The following EML6 variants were observed in gnomAD, a reference collection of about 807,000 sequenced individuals.
EML6 encodes echinoderm microtubule-associated protein-like 6.
Under a neutral mutation model 240.1 loss-of-function variants are expected in EML6, and 154 were observed. The observed-to-expected ratio is 0.64, with a 90% CI of 0.56 to 0.73. EML6 has a LOEUF of 0.73. EML6 is among the 30% of genes least tolerant of loss of function. The pLI is 0.00. For missense variants in EML6, 2,964 were observed against 2,474.6 expected (o/e 1.20, Z -4.20); for synonymous variants, 1,148 against 899.0 (o/e 1.28, Z -4.95).
At chr2:54,949,860 C>T (rs939966861) in intron 29 of EML6, among the ~76,000 whole-genome samples, 10 of 152,222 alleles carry the variant, frequency 6.6e-5, no homozygotes, top group African/African-American at 1.9e-4. Context: ...TGTTGTCATT[C>T]CTTCTGCTTA....
chr2:54,950,625 C>T lies in EML6; in HGVS notation c.4084-25C>T, dbSNP rs1362567902. ...TCTCCCTTCCTTCCTCTGAGGGTCACATTGATCTGTGTGTGTGAATGCAGG... is the reference window on the plus strand; with the variant it reads ...TCTCCCTTCCTTCCTCTGAGGGTCATATTGATCTGTGTGTGTGAATGCAGG... On this transcript the variant is annotated intron_variant, in intron 29 of 41. Coordinates refer to ENST00000356458, the MANE Select transcript of EML6 (RefSeq NM_001039753.4). 8 of 1,550,878 alleles carry T rather than the reference C, an allele frequency of 5.2e-6. No individual in the cohort carries two copies. The Admixed American group carries it at 7.9e-5, about 15-fold the overall frequency.
At chr2:54,916,685 A>G (rs1558682980) in intron 25 of EML6, 74 bp from the exon 26 acceptor site, 16 of 1,193,646 alleles carry the variant, frequency 1.3e-5, no homozygotes, top group Non-Finnish European at 1.7e-5. Context: ...AGAATTACTC[A>G]GGTGCAAACT....
chr2:54,873,456 G>C (rs566660360), intron 16 of EML6, among the ~76,000 whole-genome samples: 2 of 152,200 alleles, frequency 1.3e-5, no homozygotes, highest in Non-Finnish European at 2.9e-5. Context: ...TGAATACAAA[G>C]TCCAAACTCC....
intron 2 of EML6, among the ~76,000 whole-genome samples, chr2:54,726,213 G>C (rs1572825320): frequency 6.6e-6 from 1 of 152,300 alleles, no homozygotes; most frequent in East Asian, 1.9e-4. Flanking sequence ...TGCTGAGGAT[G>C]GACTACAACT....
chr2:54,729,155 G>C (rs952308202), intron 2 of EML6, among the ~76,000 whole-genome samples: 1 of 152,158 alleles, frequency 6.6e-6, no homozygotes, highest in African/African-American at 2.4e-5. Flanking sequence ...GTTTGTTGTG[G>C]GGATTACATA....
intron 2 of EML6, among the ~76,000 whole-genome samples, chr2:54,773,750 T>TTTA (rs1464359025): frequency 1.3e-5 from 2 of 152,252 alleles, no homozygotes; most frequent in Admixed American, 6.5e-5. Context: ...GTTTGCACAC[T>TTTA]TTATTTGAAC....
intron 17 of EML6, among the ~76,000 whole-genome samples, chr2:54,889,965 T>C (rs1418477536): frequency 2.6e-5 from 4 of 152,224 alleles, no homozygotes; most frequent in Non-Finnish European, 5.9e-5. Context: ...AGCCTATATG[T>C]AGTTAGCTTG....
chr2:54,895,342 C>G lies in EML6; in HGVS notation c.2924C>G (p.Thr975Arg). 3 of 1,551,736 alleles carry G rather than the reference C, an allele frequency of 1.9e-6. No individual in the cohort carries two copies. Among genetic ancestry groups the G allele is most frequent in the East Asian group, 2.4e-5 (1 of 40,916 alleles). Reference protein sequence around the residue: ...TLGHGHILVGTKNGEILEIDK... With the variant: ...TLGHGHILVGRKNGEILEIDK... ...GGACATGGACATATCCTGGTGGGAACAAAAAATGGAGAGATTCTGGAAATT... is the reference window on the plus strand; with the variant it reads ...GGACATGGACATATCCTGGTGGGAAGAAAAAATGGAGAGATTCTGGAAATT... The change falls in exon 21 of 42, where the codon ACA becomes AGA. Residue 975 changes from threonine (T) to arginine (R), a missense_variant. Coordinates refer to ENST00000356458, the MANE Select transcript of EML6 (RefSeq NM_001039753.4).
intron 11 of EML6, among the ~76,000 whole-genome samples, chr2:54,859,197 C>T (rs1230536107): frequency 6.6e-6 from 1 of 152,140 alleles, no homozygotes; most frequent in Non-Finnish European, 1.5e-5. Flanking sequence ...ACAGGATTGC[C>T]TGTCTTATCT....
intron 2 of EML6, among the ~76,000 whole-genome samples, chr2:54,758,248 A>T (rs73934833): frequency 0.044 from 6,640 of 152,074 alleles, 479 homozygotes; most frequent in African/African-American, 0.15. Context: ...AAGGGATGCT[A>T]ATTGTCTTGC....
At chr2:54,938,486 T>C (rs1419426155) in intron 28 of EML6, among the ~76,000 whole-genome samples, 1 of 152,168 alleles carries the variant, frequency 6.6e-6, no homozygotes, top group Non-Finnish European at 1.5e-5. Context: ...CACAAGAGGC[T>C]TCCTTTATTT....
At chr2:54,952,801 T>C (rs755070826) in intron 31 of EML6, 109 bp downstream of exon 31, 8 of 696,774 alleles carry the variant, frequency 1.1e-5, no homozygotes, top group Non-Finnish European at 2.0e-5. Flanking sequence ...TCCCTTCTTG[T>C]TGATGTTGCT....
chr2:54,890,389 G>C (rs1197442966), intron 17 of EML6, among the ~76,000 whole-genome samples: 1 of 151,998 alleles, frequency 6.6e-6, no homozygotes, highest in Non-Finnish European at 1.5e-5. Flanking sequence ...CCATCAAATA[G>C]TCCCTCTCAT....
intron 4 of EML6, among the ~76,000 whole-genome samples, chr2:54,820,153 A>T (rs1006391904): frequency 1.3e-5 from 2 of 152,166 alleles, no homozygotes; most frequent in African/African-American, 4.8e-5. Flanking sequence ...ATATGACACC[A>T]GTTTGTTCTA....
Position 54,853,737 on chromosome 2 carries a change from C to A in EML6, c.1539C>A (p.Pro513=). ...VKGPEVSGIW[P]KYTEVTDINS... is the part of the protein sequence containing the mutation. ...GCCCTGAAGTGAGTGGAATTTGGCC[C>A]AAATACACTGAGGTTACTGACATCA... The change falls in exon 11 of 42, where the codon CCC becomes CCA. Residue 513 remains proline (P), a synonymous_variant. Transcript: ENST00000356458. The A allele has an allele frequency of 6.4e-7, 1 of 1,551,514 alleles. No individual in the cohort carries two copies. Among genetic ancestry groups the A allele is most frequent in the Non-Finnish European group, 8.7e-7 (1 of 1,146,882 alleles).
intron 17 of EML6, among the ~76,000 whole-genome samples, chr2:54,884,899 C>A (rs1399233599): frequency 6.6e-6 from 1 of 152,162 alleles, no homozygotes; most frequent in African/African-American, 2.4e-5. Flanking sequence ...TTGGGCTGGG[C>A]ATGGGGGCTC....
chr2:54,813,787 G>A (rs914201254), intron 3 of EML6, among the ~76,000 whole-genome samples: 14 of 152,172 alleles, frequency 9.2e-5, no homozygotes, highest in African/African-American at 3.4e-4. Flanking sequence ...TTCAAAAGAT[G>A]ACATCACCTC....
intron 26 of EML6, among the ~76,000 whole-genome samples, chr2:54,921,043 G>T (rs984476840): frequency 2.0e-5 from 3 of 151,948 alleles, no homozygotes; most frequent in African/African-American, 4.8e-5. Context: ...CAACTAACAT[G>T]CTCAATGATG....
intron 16 of EML6, among the ~76,000 whole-genome samples, chr2:54,875,999 C>A (rs1671487853): frequency 6.6e-6 from 1 of 152,126 alleles, no homozygotes; most frequent in South Asian, 2.1e-4. Context: ...AATAGAGAGA[C>A]CAACTCATAA....
Sources: gnomAD v4.1 joint callset for allele counts (sites outside exome capture counted in the v4.1 genomes callset) on GRCh38, gnomAD v4.1.1 for gene constraint, MANE v1.5 for transcripts, NCBI Gene and HGNC (gene_info 2026-07-23, HGNC 2026-07-21) for gene names.